The following GRAMD1C variants were observed in gnomAD, a reference collection of about 807,000 sequenced individuals.
GRAMD1C encodes the protein GRAM domain containing 1C.
Under a neutral mutation model 97.8 loss-of-function variants are expected in GRAMD1C, and 89 were observed. That is an observed-to-expected ratio of 0.91 (90% CI 0.77 to 1.09). The LOEUF is 1.09. Among genes scored for constraint, GRAMD1C ranks in the 50% least tolerant of loss-of-function variants. GRAMD1C has a pLI of 0.00. For missense variants in GRAMD1C, 740 were observed against 766.4 expected, an observed-to-expected ratio of 0.97 and a Z score of 0.41; for synonymous variants, 256 against 267.0, an observed-to-expected ratio of 0.96 and a Z score of 0.40.
chr3:113,839,018 C>T (rs1709703704), intron 1 of GRAMD1C, 82 bp downstream of exon 1: 5 of 853,012 alleles, frequency 5.9e-6, no homozygotes, highest in Admixed American at 8.6e-5. Flanking sequence ...TGAACCTTCT[C>T]AGATTACAGT....
intron 11 of GRAMD1C, among the ~76,000 whole-genome samples, chr3:113,931,610 A>T (rs1434422245): frequency 6.6e-6 from 1 of 151,824 alleles, no homozygotes; most frequent in African/African-American, 2.4e-5. Flanking sequence ...GCCTGCCTCA[A>T]CCTCCCAAAG....
intron 1 of GRAMD1C, among the ~76,000 whole-genome samples, chr3:113,829,259 AAAACAAAC>A (rs369737329): frequency 3.9e-5 from 6 of 152,034 alleles, no homozygotes; most frequent in South Asian, 2.1e-4. Context: ...CAGTCTGTAC[AAAACAAAC>A]AAACAAACAA....
intron 2 of GRAMD1C, among the ~76,000 whole-genome samples, chr3:113,845,942 T>C (rs1270308736): frequency 1.3e-5 from 2 of 152,160 alleles, no homozygotes; most frequent in Non-Finnish European, 1.5e-5. Context: ...AACGTGACAT[T>C]ATAAGTTTTT....
chr3:113,849,303 A>T (rs147162050), intron 2 of GRAMD1C, among the ~76,000 whole-genome samples: 29,913 of 142,874 alleles, frequency 0.21, 3,920 homozygotes, highest in Admixed American at 0.3. Flanking sequence ...TTATTTATTT[A>T]TTTATTTTTT....
intron 2 of GRAMD1C, among the ~76,000 whole-genome samples, chr3:113,866,854 A>G (rs540182429): frequency 1.9e-4 from 29 of 148,936 alleles, no homozygotes; most frequent in Admixed American, 1.0e-3. Context: ...TTTGAGATGG[A>G]GTCTCACTCT....
chr3:113,856,731 G>T (rs1428166372), intron 2 of GRAMD1C, among the ~76,000 whole-genome samples: 1 of 151,998 alleles, frequency 6.6e-6, no homozygotes, highest in Non-Finnish European at 1.5e-5. Flanking sequence ...GCAGAGACGG[G>T]TTTCTCCATG....
At chr3:113,857,005 A>G (rs1413013390) in intron 2 of GRAMD1C, among the ~76,000 whole-genome samples, 2 of 151,928 alleles carry the variant, frequency 1.3e-5, no homozygotes, top group Admixed American at 1.3e-4. Context: ...GACTTGGCTA[A>G]TTTTTGTATT....
intron 2 of GRAMD1C, among the ~76,000 whole-genome samples, chr3:113,869,209 T>C (rs1197615761): frequency 2.0e-5 from 3 of 152,148 alleles, no homozygotes; most frequent in South Asian, 2.1e-4. Context: ...CATGAACAAA[T>C]ACTTCTCAGT....
chr3:113,907,511 C>T (rs1936412646), intron 8 of GRAMD1C, among the ~76,000 whole-genome samples: 1 of 150,996 alleles, frequency 6.6e-6, no homozygotes, highest in African/African-American at 2.4e-5. Context: ...AAGTTTAGCC[C>T]TTTTTTTTTC....
At chr3:113,919,586 G>A (rs983697106) in intron 10 of GRAMD1C, 15 of 578,072 alleles carry the variant, frequency 2.6e-5, no homozygotes, top group East Asian at 4.4e-5. Flanking sequence ...ATCTGACATC[G>A]GTGCCAGTGT....
At chr3:113,830,395 G>T (rs529432101) in intron 1 of GRAMD1C, among the ~76,000 whole-genome samples, 1 of 152,096 alleles carries the variant, frequency 6.6e-6, no homozygotes, top group Non-Finnish European at 1.5e-5. Flanking sequence ...CTATGTTTGC[G>T]GCTTGATTTT....
At chr3:113,893,508 G>A (rs914815964) in intron 6 of GRAMD1C, among the ~76,000 whole-genome samples, 2 of 151,502 alleles carry the variant, frequency 1.3e-5, no homozygotes, top group Non-Finnish European at 2.9e-5. Flanking sequence ...ATAACATTTT[G>A]TATTTCTATA....
At chr3:113,926,773 G>T (rs566944123) in intron 10 of GRAMD1C, among the ~76,000 whole-genome samples, 8 of 152,150 alleles carry the variant, frequency 5.3e-5, no homozygotes, top group Non-Finnish European at 1.0e-4. Context: ...GGGGGCCCAG[G>T]CTCAGCTCAG....
intron 6 of GRAMD1C, among the ~76,000 whole-genome samples, chr3:113,890,218 C>G (rs1020419225): frequency 1.3e-5 from 2 of 152,132 alleles, no homozygotes; most frequent in African/African-American, 2.4e-5. Context: ...GGGGGCTTGC[C>G]AAGCCCAGTC....
intron 2 of GRAMD1C, among the ~76,000 whole-genome samples, chr3:113,850,948 G>A (rs991370566): frequency 4.0e-5 from 6 of 151,792 alleles, no homozygotes; most frequent in East Asian, 1.9e-4. Context: ...GACTACAGGC[G>A]CGTGCCACCA....
intron 1 of GRAMD1C, among the ~76,000 whole-genome samples, chr3:113,832,349 CA>C (rs1443459066): frequency 6.6e-6 from 1 of 152,130 alleles, no homozygotes; most frequent in Non-Finnish European, 1.5e-5. Flanking sequence ...CTTTGAAAAT[CA>C]GGTTGTACAC....
At chr3:113,941,046 T>C (rs1937751646) in intron 17 of GRAMD1C, among the ~76,000 whole-genome samples, 1 of 152,222 alleles carries the variant, frequency 6.6e-6, no homozygotes, top group African/African-American at 2.4e-5. Flanking sequence ...TCCTATTGTC[T>C]GTGTGTGTCT....
chr3:113,917,393 G>A (rs769680011), intron 10 of GRAMD1C, among the ~76,000 whole-genome samples: 47 of 152,098 alleles, frequency 3.1e-4, no homozygotes, highest in Non-Finnish European at 5.1e-4. Context: ...GTGCGATCTC[G>A]GCTCACTGCA....
At chr3:113,914,153 C>A (rs1344806532) in intron 9 of GRAMD1C, among the ~76,000 whole-genome samples, 2 of 152,192 alleles carry the variant, frequency 1.3e-5, no homozygotes, top group African/African-American at 4.8e-5. Flanking sequence ...ACATATAATA[C>A]TTCTGTGTCA....
Sources: allele counts gnomAD v4.1 joint callset (sites outside exome capture counted in the v4.1 genomes callset), GRCh38; gene constraint gnomAD v4.1.1; transcripts MANE v1.5; gene names NCBI Gene and HGNC (gene_info 2026-07-23, HGNC 2026-07-21).